The following SRSF4 variants were observed in gnomAD, a reference collection of about 807,000 sequenced individuals.
SRSF4 encodes serine and arginine rich splicing factor 4, also known as serine/arginine-rich splicing factor 4.
Under a neutral mutation model 48.8 loss-of-function variants are expected in SRSF4, and 12 were observed. The observed-to-expected ratio is 0.25, with a 90% CI of 0.16 to 0.40. The LOEUF (loss-of-function observed/expected upper bound fraction) is 0.40. Among genes scored for constraint, SRSF4 ranks in the 10% least tolerant of loss-of-function variants. The pLI, the probability that SRSF4 is intolerant of heterozygous loss-of-function variation, is 1.00. For synonymous variants in SRSF4, 248 were observed against 232.5 expected (o/e 1.07, Z -0.61); for missense variants, 466 against 667.1 (o/e 0.70, Z 3.32).
At chr1:29,179,241 T>C (rs1341851714) in intron 1 of SRSF4, among the ~76,000 whole-genome samples, 1 of 152,264 alleles carries the variant, frequency 6.6e-6, no homozygotes, top group Non-Finnish European at 1.5e-5. Flanking sequence ...TAAGGCTTGA[T>C]CCATGCTAGA....
At chr1:29,161,329 G>T (rs1252288689) in intron 1 of SRSF4, among the ~76,000 whole-genome samples, 1 of 152,152 alleles carries the variant, frequency 6.6e-6, no homozygotes, top group African/African-American at 2.4e-5. Flanking sequence ...ATGTTTTCAA[G>T]AAATATTTAG....
chr1:29,177,637 G>C (rs1672890183), intron 1 of SRSF4, among the ~76,000 whole-genome samples: 1 of 151,970 alleles, frequency 6.6e-6, no homozygotes, highest in African/African-American at 2.4e-5. Flanking sequence ...GACCTTAATG[G>C]GAAATGGAAT....
chr1:29,158,594 T>G (rs989236635), intron 3 of SRSF4, among the ~76,000 whole-genome samples: 1 of 152,134 alleles, frequency 6.6e-6, no homozygotes, highest in Admixed American at 6.5e-5. Flanking sequence ...CACGCCCGGC[T>G]AATTTTTGTA....
chr1:29,163,491 T>C (rs1234407508), intron 1 of SRSF4, among the ~76,000 whole-genome samples: 2 of 152,222 alleles, frequency 1.3e-5, no homozygotes, highest in Non-Finnish European at 2.9e-5. Flanking sequence ...GTTCTGAGAA[T>C]AAAGCAAAGA....
intron 1 of SRSF4, among the ~76,000 whole-genome samples, chr1:29,178,913 T>C (rs1283745207): frequency 1.3e-5 from 2 of 152,222 alleles, no homozygotes; most frequent in Non-Finnish European, 2.9e-5. Flanking sequence ...CAGGAGGTCA[T>C]ATTGTGTGCT....
At chr1:29,174,408 T>C (rs993738046) in intron 1 of SRSF4, among the ~76,000 whole-genome samples, 3 of 152,164 alleles carry the variant, frequency 2.0e-5, no homozygotes, top group Admixed American at 6.5e-5. Context: ...GTATTATACA[T>C]GCATAAAATA....
intron 2 of SRSF4, 184 bp downstream of exon 2, chr1:29,160,191 A>T: frequency 1.6e-6 from 1 of 613,064 alleles, no homozygotes; most frequent in Non-Finnish European, 2.6e-6. Context: ...AATTGTCATT[A>T]GTTTAATTAA....
chr1:29,181,414 T>A (rs574535314), intron 1 of SRSF4, among the ~76,000 whole-genome samples: 4 of 152,138 alleles, frequency 2.6e-5, no homozygotes, highest in African/African-American at 9.6e-5. Flanking sequence ...CTTCTCCCCG[T>A]CCCACTCAGG....
At chr1:29,160,647 G>T in intron 1 of SRSF4, 130 bp from the exon 2 acceptor site, 2 of 1,070,486 alleles carry the variant, frequency 1.9e-6, no homozygotes, top group South Asian at 1.8e-5. Context: ...GATCAACTTT[G>T]TCTTCTCTTC....
rs1574186380 is a variant in SRSF4, at chr1:29,148,312, T to C, written c.*98A>G. On this transcript the variant is annotated 3_prime_UTR_variant, in exon 6 of 6. Transcript: ENST00000373795. ...GACACACCATTAGGGGAGTTAAAAA[T>C]GTACAGCAGTGACATGTTCTACTCC... The C allele has an allele frequency of 6.8e-6, 10 of 1,466,012 alleles. No homozygotes were observed. In the East Asian group the frequency reaches 6.8e-5, roughly 10 times the overall value. The allele number at this position is 1,466,012 out of a possible 1,614,324, so 90.8% of individuals were successfully genotyped here. A position where few individuals can be genotyped will look rare whatever the true frequency, so the allele number is the denominator to read the frequency against.
At chr1:29,152,868 G>A (rs944530628) in intron 4 of SRSF4, among the ~76,000 whole-genome samples, 12 of 151,000 alleles carry the variant, frequency 7.9e-5, no homozygotes, top group African/African-American at 2.2e-4. Flanking sequence ...GCAGTAAGCC[G>A]AGATTGTGCC....
intron 1 of SRSF4, among the ~76,000 whole-genome samples, chr1:29,180,215 AAGTT>A (rs2151830060): frequency 6.6e-6 from 1 of 152,306 alleles, no homozygotes; most frequent in East Asian, 1.9e-4. Context: ...TTGTCCACAA[AAGTT>A]AGTTATGCTG....
intron 1 of SRSF4, chr1:29,168,774 T>C (rs1164157703): frequency 6.6e-6 from 1 of 152,200 alleles, no homozygotes; most frequent in African/African-American, 2.4e-5. Flanking sequence ...AAGACTTGGA[T>C]CTAGACGTGG....
At chr1:29,156,935 C>A (rs1009674401) in intron 3 of SRSF4, among the ~76,000 whole-genome samples, 1 of 152,148 alleles carries the variant, frequency 6.6e-6, no homozygotes, top group African/African-American at 2.4e-5. Context: ...ACATTCAGGA[C>A]GAAACGGTGA....
intron 2 of SRSF4, chr1:29,160,033 G>A (rs1672568376): frequency 4.8e-6 from 1 of 208,374 alleles, no homozygotes; most frequent in Non-Finnish European, 9.6e-6. Flanking sequence ...AAATGGAACA[G>A]GCAGTCATCT....
At chr1:29,172,549 C>T (rs1251468976) in intron 1 of SRSF4, 1 of 152,210 alleles carries the variant, frequency 6.6e-6, no homozygotes, top group Non-Finnish European at 1.5e-5. Flanking sequence ...GCCTTGGCCT[C>T]CTAAAGTGCT....
At chr1:29,172,042 T>C (rs1241541662) in intron 1 of SRSF4, 4 of 151,892 alleles carry the variant, frequency 2.6e-5, no homozygotes, top group Admixed American at 6.6e-5. Flanking sequence ...TCTCTTGGCA[T>C]TGATTTTTCA....
At chr1:29,154,563 T>G (rs1672469223) in intron 4 of SRSF4, 133 bp downstream of exon 4, 1 of 836,212 alleles carries the variant, frequency 1.2e-6, no homozygotes, top group African/African-American at 1.7e-5. Context: ...AAATGTTCAG[T>G]TCAAAATTCT....
intron 1 of SRSF4, among the ~76,000 whole-genome samples, chr1:29,175,321 C>T (rs1672822521): frequency 6.6e-6 from 1 of 150,590 alleles, no homozygotes; most frequent in South Asian, 2.1e-4. Context: ...GCTGAGGCAG[C>T]AGAATCGCTT....
Sources: gnomAD v4.1 joint callset for allele counts (sites outside exome capture counted in the v4.1 genomes callset) on GRCh38, gnomAD v4.1.1 for gene constraint, MANE v1.5 for transcripts, NCBI Gene and HGNC (gene_info 2026-07-23, HGNC 2026-07-21) for gene names.